Variants in FRMD6 observed in about 807,000 individuals in gnomAD.
FRMD6 encodes FERM domain containing 6, also known as FERM domain-containing protein 6.
Under a neutral mutation model 73.2 loss-of-function variants are expected in FRMD6, and 37 were observed. That is an observed-to-expected ratio of 0.51 (90% confidence interval 0.39 to 0.66). FRMD6 has a LOEUF of 0.66. FRMD6 is among the 30% of genes least tolerant of loss of function. The pLI is 0.00. For synonymous variants in FRMD6, 273 were observed against 282.2 expected (o/e 0.97, Z 0.33); for missense variants, 714 against 780.5 (o/e 0.91, Z 1.02).
chr14:51,586,502 C>T (rs1889058985), intron 2 of FRMD6, among the ~76,000 whole-genome samples: 1 of 152,104 alleles, frequency 6.6e-6, no homozygotes, highest in Non-Finnish European at 1.5e-5. Context: ...CCATAGTTTG[C>T]AAATATTTTT....
At chr14:51,518,066 A>G (rs1884734272) in intron 1 of FRMD6, among the ~76,000 whole-genome samples, 1 of 152,244 alleles carries the variant, frequency 6.6e-6, no homozygotes, top group Admixed American at 6.5e-5. Flanking sequence ...ATTCCAGTTA[A>G]CTTATTTTAA....
intron 1 of FRMD6, among the ~76,000 whole-genome samples, chr14:51,662,860 G>A (rs1893318240): frequency 6.6e-6 from 1 of 152,042 alleles, no homozygotes; most frequent in African/African-American, 2.4e-5. Flanking sequence ...CTACAGAATG[G>A]AAGAAAATAT....
At chr14:51,569,507 CTTTT>C (rs34661155) in intron 1 of FRMD6, among the ~76,000 whole-genome samples, 1 of 122,798 alleles carries the variant, frequency 8.1e-6, no homozygotes, top group African/African-American at 3.0e-5. Flanking sequence ...TTCTTTCTTT[CTTTT>C]TTTTTTTTTT....
rs996366048 is a variant in FRMD6, at chr14:51,728,117, A to G, written c.*88A>G. 7 of 1,225,986 alleles carry G rather than the reference A, an allele frequency of 5.7e-6. No homozygotes were observed. Among genetic ancestry groups the G allele is most frequent in the Non-Finnish European group, 7.9e-6 (7 of 880,592 alleles). The allele number at this position is 1,225,986 out of a possible 1,614,324, so 75.9% of individuals were successfully genotyped here. A position where few individuals can be genotyped will look rare whatever the true frequency, so the allele number is the denominator to read the frequency against. ...GTTCTTTACATATTACTTGTGCCAT[A>G]TCTTCTTCACCCTAAACATAGCTCT... On this transcript the variant is annotated 3_prime_UTR_variant, in exon 14 of 14. Coordinates refer to ENST00000344768, the MANE Select transcript of FRMD6 (RefSeq NM_001267046.2).
intron 2 of FRMD6, among the ~76,000 whole-genome samples, chr14:51,587,820 G>C (rs1889142411): frequency 6.6e-6 from 1 of 152,274 alleles, no homozygotes; most frequent in Non-Finnish European, 1.5e-5. Flanking sequence ...AGTGGTCCCT[G>C]TCCATGAAAG....
chr14:51,595,162 A>C (rs1349860375), intron 2 of FRMD6, among the ~76,000 whole-genome samples: 1 of 152,192 alleles, frequency 6.6e-6, no homozygotes, highest in East Asian at 1.9e-4. Flanking sequence ...TAGATGCTTA[A>C]GCAATGTGAT....
the FRMD6 span, among the ~76,000 whole-genome samples, chr14:51,425,983 C>T: frequency 6.6e-6 from 1 of 151,968 alleles, no homozygotes; most frequent in African/African-American, 2.4e-5. Context: ...ATGGATCTTC[C>T]TGGCCACCCT....
chr14:51,637,208 C>A (rs1438046549), intron 2 of FRMD6: 1 of 151,960 alleles, frequency 6.6e-6, no homozygotes, highest in East Asian at 1.9e-4. Flanking sequence ...GGTGACGGAG[C>A]GTGACCCTGT....
chr14:51,451,553 A>AT, the FRMD6 span, among the ~76,000 whole-genome samples: 5 of 151,816 alleles, frequency 3.3e-5, no homozygotes, highest in African/African-American at 9.7e-5. Context: ...TTTTTTGTAT[A>AT]TTTTTTTAGT....
At chr14:51,686,703 G>GT (rs1313727441) in intron 1 of FRMD6, among the ~76,000 whole-genome samples, 1 of 152,102 alleles carries the variant, frequency 6.6e-6, no homozygotes, top group Admixed American at 6.6e-5. Flanking sequence ...GGAAAGGGTT[G>GT]CCCTGTAGTA....
chr14:51,507,848 C>T (rs945019265), intron 1 of FRMD6, among the ~76,000 whole-genome samples: 7 of 152,210 alleles, frequency 4.6e-5, no homozygotes, highest in African/African-American at 1.4e-4. Context: ...TGATCATTCC[C>T]CAAACCCACA....
At chr14:51,409,576 C>T in the FRMD6 span, among the ~76,000 whole-genome samples, 5 of 152,112 alleles carry the variant, frequency 3.3e-5, no homozygotes, top group Non-Finnish European at 4.4e-5. Flanking sequence ...CATGTTAAGG[C>T]AGTATTTCTT....
intron 1 of FRMD6, among the ~76,000 whole-genome samples, chr14:51,674,117 T>C (rs1405912402): frequency 6.6e-6 from 1 of 152,184 alleles, no homozygotes; most frequent in East Asian, 1.9e-4. Context: ...TCCTGGTTAT[T>C]GAAACTTGTA....
rs373691833 is a variant in FRMD6 at position 51,645,462 on chromosome 14, ACT to A, written c.-146-44226_-146-44225del. Among the ~76,000 whole-genome samples the A allele has an allele frequency of 1.7e-3, 265 of 151,856 alleles. 3 individuals carry two copies. Among genetic ancestry groups the A allele is most frequent in the African/African-American group, 5.8e-3 (241 of 41,384 alleles). On this transcript the variant is annotated intron_variant, in intron 2 of 14. Transcript: ENST00000356218. ...CTTCTTCTTCTTGAGACAGTGTCTT[ACT>A]CTGTCACTCAGATTGAGTGCAGTGG...
chr14:51,607,624 A>C (rs1287854580), intron 2 of FRMD6, among the ~76,000 whole-genome samples: 1 of 152,230 alleles, frequency 6.6e-6, no homozygotes, highest in Non-Finnish European at 1.5e-5. Flanking sequence ...GGCTGGCAGC[A>C]GGAAGTGGAT....
chr14:51,539,378 A>G (rs970128901), intron 1 of FRMD6, among the ~76,000 whole-genome samples: 1 of 152,100 alleles, frequency 6.6e-6, no homozygotes, highest in African/African-American at 2.4e-5. Context: ...TATTTTGACC[A>G]ATGTCTATTT....
intron 1 of FRMD6, among the ~76,000 whole-genome samples, chr14:51,562,099 A>T (rs1383338931): frequency 2.6e-5 from 4 of 152,326 alleles, no homozygotes; most frequent in African/African-American, 9.6e-5. Context: ...TTCAACTCCA[A>T]GACGAGTTGA....
At chr14:51,683,411 C>T (rs1195181509) in intron 1 of FRMD6, among the ~76,000 whole-genome samples, 1 of 151,950 alleles carries the variant, frequency 6.6e-6, no homozygotes, top group Non-Finnish European at 1.5e-5. Flanking sequence ...TCCTGAGTAG[C>T]TAGGACTACA....
intron 1 of FRMD6, 171 bp downstream of exon 1, chr14:51,652,167 C>T (rs1264088630): frequency 6.6e-6 from 1 of 152,246 alleles, no homozygotes; most frequent in African/African-American, 2.4e-5. Context: ...CTCTCCGCCT[C>T]TTTCTTCGCC....
Sources: allele counts gnomAD v4.1 joint callset (sites outside exome capture counted in the v4.1 genomes callset), GRCh38; gene constraint gnomAD v4.1.1; transcripts MANE v1.5; gene names NCBI Gene and HGNC (gene_info 2026-07-23, HGNC 2026-07-21).